UTP20: variants seen among roughly 807,000 people sequenced by gnomAD.
UTP20 encodes small subunit processome component 20 homolog.
A neutral mutation model predicts 329.5 loss-of-function variants in UTP20; 164 were observed. That is an observed-to-expected ratio of 0.50 (90% CI 0.44 to 0.57). The LOEUF is 0.57. Ranked by LOEUF, UTP20 falls within the 20% of genes least tolerant of loss-of-function variation. The pLI is 0.00. For synonymous variants in UTP20, 1,151 were observed against 1,159.3 expected (o/e 0.99, Z 0.14); for missense variants, 3,055 against 3,284.2 (o/e 0.93, Z 1.71).
In UTP20 at chr12:101,383,139, A is replaced by C; in HGVS notation, c.7755A>C (p.Gln2585His). Reference sequence around the variant, plus strand: ...AGATAAAAGAAGACCTGGAAGAACAAGAAGCTTTAGAAGATGGTGTGGCCT... The same window carrying C: ...AGATAAAAGAAGACCTGGAAGAACACGAAGCTTTAGAAGATGGTGTGGCCT... ...QSKIKEDLEE[Q>H]EALEDGVACA... The change falls in exon 59 of 62, where the codon CAA (glutamine) becomes CAC (histidine). Residue 2585 changes from glutamine (Q) to histidine (H), a missense_variant. By Grantham distance (24) the Gln-to-His change is conservative (BLOSUM62 0). This residue lies in a region of UTP20 where 337 missense variants were observed against 345.5 expected (regional missense o/e 0.98). Transcript: ENST00000261637. 6.2e-7 allele frequency: 1 copy of C among 1,614,096 alleles called. No homozygotes were observed.
intron 18 of UTP20, among the ~76,000 whole-genome samples, chr12:101,308,900 T>A (rs1256356024): frequency 6.6e-6 from 1 of 152,044 alleles, no homozygotes; most frequent in Non-Finnish European, 1.5e-5. Flanking sequence ...ACCTGGCTAA[T>A]TTTTTTGTAT....
chr12:101,365,323 A>T, intron 45 of UTP20, 136 bp from the exon 46 acceptor site: 1 of 625,810 alleles, frequency 1.6e-6, no homozygotes, highest in Non-Finnish European at 2.7e-6. Flanking sequence ...GTTTGAAATT[A>T]TATTAAGAAT....
intron 29 of UTP20, among the ~76,000 whole-genome samples, 155 bp downstream of exon 29, chr12:101,334,659 G>T (rs905338353): frequency 2.0e-5 from 3 of 152,180 alleles, no homozygotes; most frequent in Non-Finnish European, 4.4e-5. Flanking sequence ...GTAAAAGCAA[G>T]GAAAGATCTC....
intron 56 of UTP20, among the ~76,000 whole-genome samples, chr12:101,377,117 T>TA (rs1870501838): frequency 6.6e-6 from 1 of 152,116 alleles, no homozygotes. Context: ...TTAACTGAAA[T>TA]AAAGTATTCA....
chr12:101,368,511 C>T (rs1870174373), intron 48 of UTP20, among the ~76,000 whole-genome samples: 1 of 152,110 alleles, frequency 6.6e-6, no homozygotes, highest in Admixed American at 6.6e-5. Flanking sequence ...TCTCAATTTA[C>T]TAATTCTATA....
rs898720815 is a variant in UTP20, at chr12:101,305,996, A to G, written c.1863A>G (p.Pro621=). ...TAGCCTTGTGTGGCTGCAAAGGGCCACTTTCCCAGGAGGCTTTAATGGAAT... is the reference window on the plus strand; with the variant it reads ...TAGCCTTGTGTGGCTGCAAAGGGCCGCTTTCCCAGGAGGCTTTAATGGAAT... ...QRLALCGCKG[P]LSQEALMELF... Residue 621 remains proline (P), a synonymous_variant, in exon 16 of 62, where the codon CCA becomes CCG. Transcript: ENST00000261637. 3.5e-5 allele frequency: 56 copies of G among 1,613,886 alleles called. No homozygotes were observed. Among genetic ancestry groups the G allele is most frequent in the Non-Finnish European group, 4.4e-5 (52 of 1,179,960 alleles).
intron 43 of UTP20, among the ~76,000 whole-genome samples, chr12:101,361,394 C>T (rs993170799): frequency 3.3e-5 from 5 of 152,006 alleles, no homozygotes; most frequent in Non-Finnish European, 4.4e-5. Flanking sequence ...GAGGCTGAGG[C>T]AGGCAAATCA....
Position 101,293,235 on chromosome 12 carries a change from AG to A in UTP20, c.1242del (p.Gln414HisfsTer15). ...TCTGAAGTCATGTTTGCCATGAAGC[AG>A]TTTGAGCAGGTAAGCAAGTTACTAA... ...SFSEVMFAMKQFEQLFLPSFL... is the reference protein window; with the variant it reads ...SFSEVMFAMKXFEQLFLPSFL... On this transcript the variant is annotated frameshift_variant, in exon 11 of 62. Coordinates refer to ENST00000261637, the MANE Select transcript of UTP20 (RefSeq NM_014503.3). LOFTEE classifies it high-confidence loss of function. 1 of 1,614,040 alleles carries A rather than the reference AG, an allele frequency of 6.2e-7. No individual in the cohort carries two copies. The highest frequency in any genetic ancestry group is 8.5e-7 in the Non-Finnish European group (1 of 1,179,988).
intron 43 of UTP20, among the ~76,000 whole-genome samples, chr12:101,358,381 A>T (rs897220087): frequency 6.6e-6 from 1 of 152,202 alleles, no homozygotes; most frequent in African/African-American, 2.4e-5. Flanking sequence ...CAATGTTATA[A>T]TTTTTGCTTA....
At chr12:101,351,526 CTTTTTTTT>C in intron 38 of UTP20, among the ~76,000 whole-genome samples, 1 of 117,854 alleles carries the variant, frequency 8.5e-6, no homozygotes, top group South Asian at 2.7e-4. Flanking sequence ...AGGCAGTGTA[CTTTTTTTT>C]TTTTTTTTTT....
At chr12:101,370,299 T>A (rs1277863884) in intron 49 of UTP20, 133 bp from the exon 50 acceptor site, 3 of 1,110,564 alleles carry the variant, frequency 2.7e-6, no homozygotes, top group Non-Finnish European at 3.8e-6. Flanking sequence ...TTTTCCAGAG[T>A]AATTTGCCAA....
chr12:101,357,343 A>T (rs1303777007), intron 43 of UTP20, among the ~76,000 whole-genome samples: 1 of 152,210 alleles, frequency 6.6e-6, no homozygotes, highest in Non-Finnish European at 1.5e-5. Context: ...ATCAAGTTTT[A>T]TATTCTCTGA....
chr12:101,359,232 T>C (rs1490818989), intron 43 of UTP20, among the ~76,000 whole-genome samples: 3 of 151,892 alleles, frequency 2.0e-5, no homozygotes, highest in Non-Finnish European at 4.4e-5. Context: ...CCCAGCTAAT[T>C]TTTTTGTATT....
chr12:101,374,635 C>G (rs988143206), intron 54 of UTP20, among the ~76,000 whole-genome samples, 173 bp from the exon 55 acceptor site: 3 of 152,124 alleles, frequency 2.0e-5, no homozygotes, highest in Admixed American at 2.0e-4. Flanking sequence ...AAAATTTCCC[C>G]ACATTTTGTA....
chr12:101,285,903 A>T, intron 4 of UTP20, 22 bp downstream of exon 4: 1 of 1,610,116 alleles, frequency 6.2e-7, no homozygotes, highest in Non-Finnish European at 8.5e-7. Flanking sequence ...CTTGAGAGAA[A>T]GCTCACAACT....
intron 43 of UTP20, among the ~76,000 whole-genome samples, chr12:101,360,564 C>T (rs1330812217): frequency 6.6e-6 from 1 of 152,144 alleles, no homozygotes; most frequent in Non-Finnish European, 1.5e-5. Flanking sequence ...GTGGCTCACA[C>T]CTGTAATCCC....
chr12:101,307,705 G>A (rs953611760), intron 17 of UTP20, among the ~76,000 whole-genome samples: 1 of 152,128 alleles, frequency 6.6e-6, no homozygotes, highest in African/African-American at 2.4e-5. Context: ...TTTGAAGTTT[G>A]AATACTACTC....
chr12:101,338,027 T>G lies in UTP20; in HGVS notation c.3642-24T>G, dbSNP rs777564950. The G allele has an allele frequency of 3.7e-6, 6 of 1,604,810 alleles. No homozygotes were observed. The African/African-American group carries it at 6.7e-5, about 18-fold the overall frequency. On this transcript the variant is annotated intron_variant, in intron 29 of 61. Transcript: ENST00000261637. ...AGTGAACATATTGAGAATAAGATGA[T>G]TACTACAATGTTTTTTCTTCCAGAT...
chr12:101,288,887 A>G lies in UTP20; in HGVS notation c.516-73A>G, dbSNP rs1044177014. The G allele has an allele frequency of 4.5e-6, 6 of 1,331,348 alleles. No homozygotes were observed. The African/African-American group carries it at 7.4e-5, about 17-fold the overall frequency. 82.5% of individuals were successfully genotyped at this position (1,331,348 alleles called of 1,614,324 possible). A position where few individuals can be genotyped will look rare whatever the true frequency, so the allele number is the denominator to read the frequency against. On this transcript the variant is annotated intron_variant, in intron 5 of 61. Coordinates refer to ENST00000261637, the MANE Select transcript of UTP20 (RefSeq NM_014503.3). ...GCATACCCAGCACATTGTTGCCCAT[A>G]TTGTTGACATGTAGTATGTATTTAT...
Sources: allele counts gnomAD v4.1 joint callset (sites outside exome capture counted in the v4.1 genomes callset), GRCh38; gene constraint gnomAD v4.1.1; regional missense constraint gnomAD v4.1.1; transcripts MANE v1.5; gene names NCBI Gene and HGNC (gene_info 2026-07-23, HGNC 2026-07-21).